SLFN12L: variants seen among roughly 807,000 people sequenced by gnomAD.
SLFN12L encodes schlafen family member 12 like.
Under a neutral mutation model 34.8 loss-of-function variants are expected in SLFN12L, and 34 were observed. The observed-to-expected ratio is 0.98, with a 90% CI of 0.74 to 1.30. The LOEUF (loss-of-function observed/expected upper bound fraction) is 1.30, where lower values mean the gene tolerates loss of function less well. Ranked by LOEUF, SLFN12L falls within the 50% of genes most tolerant of loss-of-function variation. The pLI, the probability that SLFN12L is intolerant of heterozygous loss-of-function variation, is 0.00. For synonymous variants in SLFN12L, 259 were observed against 247.5 expected (o/e 1.05, Z -0.44); for missense variants, 703 against 696.2 (o/e 1.01, Z -0.11).
chr17:35,490,820 G>A, intron 2 of SLFN12L: 2 of 1,288,328 alleles, frequency 1.6e-6, no homozygotes, highest in East Asian at 4.6e-5. Context: ...CAATAAGAGA[G>A]CCTACAAATA....
chr17:35,507,599 T>C (rs909150403), intron 2 of SLFN12L, among the ~76,000 whole-genome samples: 2 of 152,186 alleles, frequency 1.3e-5, no homozygotes, highest in East Asian at 3.8e-4. Context: ...AATTGGCACA[T>C]GTGCCCATGC....
At chr17:35,492,597 T>C (rs1193649167) in intron 2 of SLFN12L, among the ~76,000 whole-genome samples, 1 of 152,122 alleles carries the variant, frequency 6.6e-6, no homozygotes, top group Non-Finnish European at 1.5e-5. Flanking sequence ...AAGGAATAAG[T>C]TGGACCAAGG....
chr17:35,482,006 C>T (rs1015909337), intron 2 of SLFN12L, among the ~76,000 whole-genome samples: 1 of 152,084 alleles, frequency 6.6e-6, no homozygotes, highest in Non-Finnish European at 1.5e-5. Context: ...CATTAAGGCA[C>T]CTGCCACCAT....
chr17:35,495,432 G>A (rs972714581), intron 2 of SLFN12L, among the ~76,000 whole-genome samples: 7 of 152,204 alleles, frequency 4.6e-5, no homozygotes, highest in African/African-American at 1.7e-4. Context: ...TTATAGCTCA[G>A]TATAGCTATT....
At chr17:35,534,746 C>A (rs926104885) in intron 1 of SLFN12L, among the ~76,000 whole-genome samples, 1 of 152,168 alleles carries the variant, frequency 6.6e-6, no homozygotes. Context: ...GATACTGCTT[C>A]TCACCCCAGA....
At chr17:35,480,234 G>A in intron 2 of SLFN12L, 39 bp from the exon 3 acceptor site, 1 of 1,437,698 alleles carries the variant, frequency 7.0e-7, no homozygotes, top group Non-Finnish European at 9.2e-7. Flanking sequence ...TTAAGCCTGA[G>A]AGACAGCAAA....
chr17:35,498,357 G>A (rs1337577227), intron 2 of SLFN12L: 1 of 1,034,420 alleles, frequency 9.7e-7, no homozygotes, highest in East Asian at 2.4e-5. Context: ...CAATCTCACG[G>A]TACACAGAGA....
intron 4 of SLFN12L, among the ~76,000 whole-genome samples, chr17:35,475,907 T>A (rs1397862996): frequency 7.9e-6 from 1 of 126,834 alleles, no homozygotes; most frequent in Non-Finnish European, 1.7e-5. Flanking sequence ...CTCAAAAAAA[T>A]TCTACATATA....
chr17:35,505,343 C>T (rs901682622), intron 2 of SLFN12L, among the ~76,000 whole-genome samples: 6 of 152,176 alleles, frequency 3.9e-5, no homozygotes, highest in Non-Finnish European at 4.4e-5. Flanking sequence ...GCCTGCCTAC[C>T]TCGTCAAAGA....
intron 2 of SLFN12L, chr17:35,480,470 A>G: frequency 3.2e-6 from 1 of 307,946 alleles, no homozygotes; most frequent in Non-Finnish European, 5.9e-6. Context: ...TCTCATCACT[A>G]ATATTGTACA....
At chr17:35,531,790 A>T (rs1372778229) in intron 1 of SLFN12L, among the ~76,000 whole-genome samples, 1 of 151,362 alleles carries the variant, frequency 6.6e-6, no homozygotes, top group East Asian at 1.9e-4. Flanking sequence ...CTAACTTTTT[A>T]AATTTTTTTT....
chr17:35,478,020 A>C, intron 4 of SLFN12L, 55 bp downstream of exon 4: 1 of 1,045,932 alleles, frequency 9.6e-7, no homozygotes, highest in East Asian at 2.7e-5. Flanking sequence ...TTTGAAGAGA[A>C]GGAGGTTTGA....
At chr17:35,483,151 G>C (rs1029222369) in intron 2 of SLFN12L, among the ~76,000 whole-genome samples, 3 of 151,710 alleles carry the variant, frequency 2.0e-5, no homozygotes, top group Non-Finnish European at 4.4e-5. Context: ...AGCAGCAAAC[G>C]TAGGAAGGAC....
chr17:35,480,909 G>T (rs1201865355), intron 2 of SLFN12L, among the ~76,000 whole-genome samples: 1 of 151,844 alleles, frequency 6.6e-6, no homozygotes, highest in Non-Finnish European at 1.5e-5. Context: ...AATAAGAATA[G>T]TTATACTAAA....
chr17:35,479,989 C>T lies in SLFN12L; in HGVS notation c.293G>A (p.Gly98Glu), dbSNP rs1439142358. ...CTCAACTTCAGCCTTGATCACTCCC[C>T]CTCCAGAATTCAGCAGAGCACACAC... The part of the protein sequence containing the change: ...RAVCALLNSG[G>E]GVIKAEVENK... The change falls in exon 3 of 5, where the codon GGG becomes GAG. Residue 98 changes from glycine (G) to glutamate (E), a missense_variant. Coordinates refer to ENST00000628453, the MANE Select transcript of SLFN12L (RefSeq NM_001363830.2). 1.2e-6 allele frequency: 2 copies of T among 1,614,168 alleles called. No homozygotes were observed. The highest frequency in any genetic ancestry group is 2.2e-5 in the South Asian group (2 of 91,070).
rs1567694635 is a variant in SLFN12L, at chr17:35,530,513, A to AAAGAAAGAAAG, written c.-606+7059_-606+7060insCTTTCTTTCTT. Among the ~76,000 whole-genome samples the AAAGAAAGAAAG allele has an allele frequency of 3.1e-4, 10 of 32,598 alleles. 1 individual carries two copies. Among genetic ancestry groups the AAAGAAAGAAAG allele is most frequent in the Admixed American group, 6.8e-4 (3 of 4,440 alleles). The allele number at this position is 32,598 out of a possible 152,430, so 21.4% of individuals were successfully genotyped here. A position where few individuals can be genotyped will look rare whatever the true frequency, so the allele number is the denominator to read the frequency against. On this transcript the variant is annotated intron_variant, in intron 1 of 4. Transcript: ENST00000628453. ...GAAAGAAAGAAAGAAAGAAAGAAAG[A>AAAGAAAGAAAG]AAAGAAAAGAAAAGAAAAGAAAAGA...
At chr17:35,490,225 T>C (rs1040252166) in intron 2 of SLFN12L, 1 of 1,574,640 alleles carries the variant, frequency 6.4e-7, no homozygotes, top group African/African-American at 1.4e-5. Context: ...CAAAGTGAAG[T>C]CTGGAGCTAG....
At chr17:35,501,321 C>T (rs887784166) in intron 2 of SLFN12L, among the ~76,000 whole-genome samples, 15 of 152,172 alleles carry the variant, frequency 9.9e-5, no homozygotes, top group African/African-American at 2.7e-4. Context: ...ACTTGGAGTC[C>T]GGACATCTGA....
chr17:35,536,871 T>C (rs983065156), intron 1 of SLFN12L, among the ~76,000 whole-genome samples: 3 of 151,304 alleles, frequency 2.0e-5, no homozygotes, highest in Admixed American at 2.0e-4. Context: ...ATCAGCTAAC[T>C]GCTAAAGAAT....
Sources: gnomAD v4.1 joint callset for allele counts (sites outside exome capture counted in the v4.1 genomes callset) on GRCh38, gnomAD v4.1.1 for gene constraint, MANE v1.5 for transcripts, NCBI Gene and HGNC (gene_info 2026-07-23, HGNC 2026-07-21) for gene names.